Variants in EXOC6B observed in about 807,000 individuals in gnomAD.
EXOC6B encodes exocyst complex component 6B.
Under a neutral mutation model 113.5 loss-of-function variants are expected in EXOC6B, and 54 were observed. That is an observed-to-expected ratio of 0.48 (90% CI 0.38 to 0.60). The LOEUF (loss-of-function observed/expected upper bound fraction) is 0.60. EXOC6B is among the 20% of genes least tolerant of loss of function. The pLI is 0.00. For missense variants in EXOC6B, 797 were observed against 977.5 expected, an observed-to-expected ratio of 0.82 and a Z score of 2.46; for synonymous variants, 357 against 339.0, an observed-to-expected ratio of 1.05 and a Z score of -0.58.
chr2:72,544,592 A>C (rs1263442022), intron 8 of EXOC6B, among the ~76,000 whole-genome samples: 1 of 152,124 alleles, frequency 6.6e-6, no homozygotes, highest in Non-Finnish European at 1.5e-5. Flanking sequence ...AATATACTTA[A>C]ATATACTAAT....
At chr2:72,267,109 A>G (rs113069958) in intron 20 of EXOC6B, among the ~76,000 whole-genome samples, 1 of 152,112 alleles carries the variant, frequency 6.6e-6, no homozygotes, top group African/African-American at 2.4e-5. Context: ...TTGATTTTGT[A>G]TCCTGAGACT....
At chr2:72,795,310 T>C (rs992676772) in intron 1 of EXOC6B, among the ~76,000 whole-genome samples, 1 of 152,206 alleles carries the variant, frequency 6.6e-6, no homozygotes, top group African/African-American at 2.4e-5. Flanking sequence ...TGGATTCCAG[T>C]TCCCCCAAAA....
chr2:72,812,969 G>A (rs974364157), intron 1 of EXOC6B, among the ~76,000 whole-genome samples: 4 of 152,000 alleles, frequency 2.6e-5, no homozygotes, highest in African/African-American at 7.2e-5. Context: ...AAGCTACAGA[G>A]TAGGAAAAAA....
intron 1 of EXOC6B, among the ~76,000 whole-genome samples, chr2:72,775,278 C>T (rs112526294): frequency 1.3e-5 from 2 of 152,168 alleles, no homozygotes; most frequent in Non-Finnish European, 2.9e-5. Context: ...CTAATCAAGG[C>T]TTGGTCTTTC....
intron 1 of EXOC6B, among the ~76,000 whole-genome samples, chr2:72,804,891 C>T (rs1208787678): frequency 6.6e-6 from 1 of 152,148 alleles, no homozygotes; most frequent in East Asian, 1.9e-4. Flanking sequence ...GCCACCACAC[C>T]CGGCCAGCCT....
At chr2:72,194,852 C>T (rs1679074141) in intron 20 of EXOC6B, among the ~76,000 whole-genome samples, 3 of 152,096 alleles carry the variant, frequency 2.0e-5, no homozygotes, top group Non-Finnish European at 2.9e-5. Context: ...TTTGCAACAA[C>T]GGCCAGTAAC....
At chr2:72,402,348 T>C (rs1274915113) in intron 18 of EXOC6B, among the ~76,000 whole-genome samples, 1 of 152,214 alleles carries the variant, frequency 6.6e-6, no homozygotes, top group African/African-American at 2.4e-5. Context: ...TAAGCATTTG[T>C]CTATTAAATC....
At chr2:72,804,104 G>C (rs1426782774) in intron 1 of EXOC6B, among the ~76,000 whole-genome samples, 2 of 152,148 alleles carry the variant, frequency 1.3e-5, no homozygotes, top group African/African-American at 4.8e-5. Flanking sequence ...TCTAGGTTCA[G>C]GCAGACAAAG....
At chr2:72,340,210 AGTTAGGAG>A (rs1246913100) in intron 19 of EXOC6B, among the ~76,000 whole-genome samples, 1 of 152,180 alleles carries the variant, frequency 6.6e-6, no homozygotes, top group Admixed American at 6.6e-5. Flanking sequence ...GTAGAGTGAG[AGTTAGGAG>A]GGGCCTTGAG....
chr2:72,451,658 G>C (rs1352679142), intron 18 of EXOC6B, among the ~76,000 whole-genome samples: 2 of 144,950 alleles, frequency 1.4e-5, no homozygotes, highest in Non-Finnish European at 3.1e-5. Context: ...TTGTGCCTGT[G>C]TGTGTGTGTG....
intron 6 of EXOC6B, among the ~76,000 whole-genome samples, chr2:72,611,225 A>G (rs1671053310): frequency 6.6e-6 from 1 of 152,012 alleles, no homozygotes; most frequent in Admixed American, 6.6e-5. Context: ...TTAGCCGGGC[A>G]TGGTGGCACA....
chr2:72,406,657 A>G (rs1332972919), intron 18 of EXOC6B, among the ~76,000 whole-genome samples: 1 of 152,258 alleles, frequency 6.6e-6, no homozygotes, highest in East Asian at 1.9e-4. Flanking sequence ...GAAACCAACG[A>G]AAACAAAGAC....
intron 18 of EXOC6B, among the ~76,000 whole-genome samples, chr2:72,397,191 T>C (rs927679758): frequency 2.0e-5 from 3 of 152,160 alleles, no homozygotes; most frequent in African/African-American, 4.8e-5. Context: ...CTCATGACTT[T>C]AATATAATTG....
At chr2:72,712,933 T>A (rs780235564) in intron 6 of EXOC6B, among the ~76,000 whole-genome samples, 1 of 152,220 alleles carries the variant, frequency 6.6e-6, no homozygotes, top group Non-Finnish European at 1.5e-5. Flanking sequence ...AAGTTCTATA[T>A]AAAACCTTGC....
chr2:72,272,905 A>G (rs887449629), intron 20 of EXOC6B, among the ~76,000 whole-genome samples: 2 of 152,182 alleles, frequency 1.3e-5, no homozygotes, highest in African/African-American at 4.8e-5. Context: ...AGTTTAGGTC[A>G]AAAATATTGC....
intron 20 of EXOC6B, among the ~76,000 whole-genome samples, chr2:72,266,982 A>T (rs568874988): frequency 6.6e-5 from 10 of 152,204 alleles, no homozygotes; most frequent in South Asian, 6.2e-4. Flanking sequence ...GTCCCTTTTA[A>T]GTTGGATTCC....
chr2:72,271,173 C>G (rs746721095), intron 20 of EXOC6B, among the ~76,000 whole-genome samples: 1 of 152,046 alleles, frequency 6.6e-6, no homozygotes, highest in Non-Finnish European at 1.5e-5. Context: ...TGATTGGGAC[C>G]AAGAGTAAGG....
chr2:72,526,680 C>T (rs564144423), intron 8 of EXOC6B, among the ~76,000 whole-genome samples: 1 of 151,890 alleles, frequency 6.6e-6, no homozygotes, highest in African/African-American at 2.4e-5. Flanking sequence ...ATCTGTCATA[C>T]TGAACTTCAG....
chr2:72,601,398 G>C (rs1450739562), intron 6 of EXOC6B, among the ~76,000 whole-genome samples: 1 of 152,012 alleles, frequency 6.6e-6, no homozygotes, highest in Non-Finnish European at 1.5e-5. Context: ...TGTTAGCCAG[G>C]ATGGTCTCAA....
Sources: gnomAD v4.1 joint callset for allele counts (sites outside exome capture counted in the v4.1 genomes callset) on GRCh38, gnomAD v4.1.1 for gene constraint, MANE v1.5 for transcripts, NCBI Gene and HGNC (gene_info 2026-07-23, HGNC 2026-07-21) for gene names.